The following GALK2 variants were observed in gnomAD, a reference collection of about 807,000 sequenced individuals.
GALK2 encodes galactokinase 2.
In GALK2, 36 loss-of-function variants were observed where a neutral mutation model predicts 52.4. The observed-to-expected ratio is 0.69, with a 90% CI of 0.53 to 0.91. The LOEUF (loss-of-function observed/expected upper bound fraction) is 0.91, where lower values mean the gene tolerates loss of function less well. GALK2 is among the 40% of genes least tolerant of loss of function. GALK2 has a pLI of 0.00. For missense variants in GALK2, 579 were observed against 559.1 expected, an observed-to-expected ratio of 1.04 and a Z score of -0.36; for synonymous variants, 176 against 199.1, an observed-to-expected ratio of 0.88 and a Z score of 0.98.
chr15:49,312,107 G>A (rs1316962679), intron 8 of GALK2, among the ~76,000 whole-genome samples: 1 of 152,098 alleles, frequency 6.6e-6, no homozygotes, highest in Non-Finnish European at 1.5e-5. Context: ...TCTACTCTCA[G>A]GTGCATCTAG....
intron 4 of GALK2, among the ~76,000 whole-genome samples, chr15:49,238,479 G>A (rs188122365): frequency 3.3e-4 from 50 of 152,280 alleles, no homozygotes; most frequent in African/African-American, 1.2e-3. Context: ...TGGCTAAACT[G>A]TATCTATAAA....
chr15:49,159,247 A>G (rs922230763), intron 1 of GALK2, among the ~76,000 whole-genome samples: 2 of 152,218 alleles, frequency 1.3e-5, no homozygotes, highest in South Asian at 2.1e-4. Context: ...ATTTTAAGCA[A>G]TTCTGCAGTG....
At chr15:49,220,001 T>C (rs2089671311) in intron 3 of GALK2, among the ~76,000 whole-genome samples, 1 of 151,746 alleles carries the variant, frequency 6.6e-6, no homozygotes, top group African/African-American at 2.4e-5. Context: ...ATATATTCTT[T>C]GTTGAAGCGT....
intron 3 of GALK2, among the ~76,000 whole-genome samples, chr15:49,352,788 T>C (rs1042987671): frequency 2.0e-5 from 3 of 152,158 alleles, no homozygotes; most frequent in Non-Finnish European, 2.9e-5. Flanking sequence ...TCAAAACCTC[T>C]ACCCAATCCC....
At chr15:49,253,840 G>GCATCAT in intron 5 of GALK2, among the ~76,000 whole-genome samples, 1 of 143,110 alleles carries the variant, frequency 7.0e-6, no homozygotes, top group East Asian at 1.9e-4. Context: ...AAAACACCAA[G>GCATCAT]CATCATCATC....
intron 5 of GALK2, among the ~76,000 whole-genome samples, chr15:49,265,357 G>A (rs1187400883): frequency 2.0e-5 from 3 of 152,238 alleles, no homozygotes; most frequent in Non-Finnish European, 4.4e-5. Context: ...GGCTCCGTGG[G>A]CATAGGACCC....
intron 5 of GALK2, among the ~76,000 whole-genome samples, chr15:49,264,469 G>A (rs868566163): frequency 2.0e-5 from 3 of 152,174 alleles, no homozygotes; most frequent in African/African-American, 7.2e-5. Flanking sequence ...TTATACATTC[G>A]TCTAAATTTT....
intron 3 of GALK2, among the ~76,000 whole-genome samples, chr15:49,228,687 A>ATATGTATTT (rs1555409061): frequency 7.0e-5 from 1 of 14,274 alleles, no homozygotes; most frequent in East Asian, 1.3e-3. Flanking sequence ...ATATATATAT[A>ATATGTATTT]TTTTTTTTTT....
intron 2 of GALK2, among the ~76,000 whole-genome samples, chr15:49,212,057 A>G (rs12437486): frequency 6.6e-6 from 1 of 151,896 alleles, no homozygotes; most frequent in Non-Finnish European, 1.5e-5. Flanking sequence ...AAAAAAAATT[A>G]TCTGACTTTA....
At chr15:49,256,129 C>G (rs1261726768) in intron 5 of GALK2, among the ~76,000 whole-genome samples, 1 of 152,022 alleles carries the variant, frequency 6.6e-6, no homozygotes, top group South Asian at 2.1e-4. Flanking sequence ...AAAGAAAATA[C>G]CAAGCAACGC....
At chr15:49,289,664 G>A (rs1007050896) in intron 7 of GALK2, among the ~76,000 whole-genome samples, 4 of 152,178 alleles carry the variant, frequency 2.6e-5, no homozygotes, top group African/African-American at 9.6e-5. Context: ...CTGAGAACCT[G>A]TGATTTGAAG....
chr15:49,289,173 G>C (rs542193022), intron 7 of GALK2, among the ~76,000 whole-genome samples: 1 of 152,154 alleles, frequency 6.6e-6, no homozygotes, highest in Admixed American at 6.5e-5. Flanking sequence ...GCTGCACGTG[G>C]TCAGGAGCCA....
intron 1 of GALK2, 55 bp downstream of exon 1, chr15:49,170,430 T>A: frequency 1.3e-6 from 2 of 1,537,690 alleles, no homozygotes; most frequent in Middle Eastern, 2.2e-4. Flanking sequence ...TACGTGTAGA[T>A]CGGGTCCACA....
downstream of GALK2, among the ~76,000 whole-genome samples, chr15:49,332,087 CCACACACACACA>C (rs377139081): frequency 2.3e-5 from 3 of 127,854 alleles, no homozygotes; most frequent in African/African-American, 2.6e-5. Flanking sequence ...TGCACACGTG[CCACACACACACA>C]CACACACACA....
At chr15:49,156,499 CA>C (rs1473141878) in intron 1 of GALK2, 3 of 497,844 alleles carry the variant, frequency 6.0e-6, no homozygotes, top group African/African-American at 5.9e-5. Flanking sequence ...GTAAAGATGA[CA>C]AGCTGCTGTC....
intron 3 of GALK2, among the ~76,000 whole-genome samples, chr15:49,355,502 G>A (rs1011069346): frequency 9.5e-4 from 144 of 152,100 alleles, no homozygotes; most frequent in Non-Finnish European, 1.3e-3. Flanking sequence ...GATGGAAGAT[G>A]AAATGAATGA....
At chr15:49,161,213 G>A (rs2084640556) in intron 1 of GALK2, among the ~76,000 whole-genome samples, 1 of 152,202 alleles carries the variant, frequency 6.6e-6, no homozygotes, top group Admixed American at 6.5e-5. Flanking sequence ...GGAAGACTGG[G>A]TGAACGGCAG....
At chr15:49,300,129 G>A (rs2141863118) in intron 8 of GALK2, among the ~76,000 whole-genome samples, 1 of 152,108 alleles carries the variant, frequency 6.6e-6, no homozygotes, top group East Asian at 1.9e-4. Flanking sequence ...CTAATGTTGG[G>A]TGAATATATA....
intron 5 of GALK2, among the ~76,000 whole-genome samples, chr15:49,271,580 T>C (rs1367983653): frequency 1.3e-5 from 2 of 152,210 alleles, no homozygotes; most frequent in Non-Finnish European, 2.9e-5. Flanking sequence ...CTTTGCCACT[T>C]ACTAGCTGAA....
Sources: gnomAD v4.1 joint callset for allele counts (sites outside exome capture counted in the v4.1 genomes callset) on GRCh38, gnomAD v4.1.1 for gene constraint, MANE v1.5 for transcripts, NCBI Gene and HGNC (gene_info 2026-07-23, HGNC 2026-07-21) for gene names.